Variants in MAGI2 observed in about 807,000 individuals in gnomAD.
MAGI2 encodes membrane-associated guanylate kinase, WW and PDZ domain-containing protein 2.
A neutral mutation model predicts 133.3 loss-of-function variants in MAGI2; 35 were observed. That is an observed-to-expected ratio of 0.26 (90% CI 0.20 to 0.35). The LOEUF (loss-of-function observed/expected upper bound fraction) is 0.35, where lower values mean the gene tolerates loss of function less well. Ranked by LOEUF, MAGI2 falls within the 10% of genes least tolerant of loss-of-function variation. The pLI, the probability that MAGI2 is intolerant of heterozygous loss-of-function variation, is 1.00. For synonymous variants in MAGI2, 729 were observed against 710.6 expected (o/e 1.03, Z -0.41); for missense variants, 1,636 against 1,863.4 (o/e 0.88, Z 2.25).
intron 9 of MAGI2, among the ~76,000 whole-genome samples, chr7:78,288,108 C>T (rs1458448992): frequency 2.0e-5 from 3 of 152,146 alleles, no homozygotes; most frequent in Non-Finnish European, 4.4e-5. Context: ...ATTTCAAACG[C>T]ATGAGATCAC....
At chr7:78,551,366 C>T (rs1044397120) in intron 3 of MAGI2, among the ~76,000 whole-genome samples, 2 of 152,204 alleles carry the variant, frequency 1.3e-5, no homozygotes, top group Non-Finnish European at 2.9e-5. Context: ...GATTTTTGCA[C>T]TCACATTATA....
chr7:79,272,960 C>G lies in MAGI2; in HGVS notation c.301+180060G>C, dbSNP rs559062855. 1.6e-4 allele frequency among the ~76,000 whole-genome samples: 24 copies of G among 152,216 alleles called. 1 individual carries two copies. The South Asian group carries it at 4.6e-3, about 29-fold the overall frequency. ...GATACTCAGTAGCACTAACTCTAGC[C>G]TAGCTCTATTCCTACAGTAATTTTG... On this transcript the variant is annotated intron_variant, in intron 1 of 21. Coordinates refer to ENST00000354212, the MANE Select transcript of MAGI2 (RefSeq NM_012301.4).
chr7:78,256,287 G>T lies in MAGI2; in HGVS notation c.1703C>A (p.Ser568Tyr). 1 of 1,614,110 alleles carries T rather than the reference G, an allele frequency of 6.2e-7. No homozygotes were observed. The highest frequency in any genetic ancestry group is 2.2e-5 in the East Asian group (1 of 44,850). Residue 568 changes from serine to tyrosine, a missense_variant, in exon 10 of 22, where the codon TCT becomes TAT. By Grantham distance (144) the Ser-to-Tyr change is moderately radical. This residue lies in a region of MAGI2 where 920 missense variants were observed against 1,093.5 expected (regional missense o/e 0.84). Coordinates refer to ENST00000354212, the MANE Select transcript of MAGI2 (RefSeq NM_012301.4). ...ACCATCAGTTGGCATGGAGTGCAGAGAATGAGGCGGCCGATCTGTTATATC... is the reference window on the plus strand; with the variant it reads ...ACCATCAGTTGGCATGGAGTGCAGATAATGAGGCGGCCGATCTGTTATATC... ...VPDITDRPPH[S>Y]LHSMPTDGQL...
At chr7:79,404,866 C>T (rs902739237) in intron 1 of MAGI2, among the ~76,000 whole-genome samples, 7 of 152,066 alleles carry the variant, frequency 4.6e-5, no homozygotes, top group Admixed American at 2.0e-4. Flanking sequence ...CTAAGGGGAA[C>T]GTTCTTACCC....
chr7:78,300,071 A>T (rs1255273063), intron 9 of MAGI2, among the ~76,000 whole-genome samples: 1 of 152,200 alleles, frequency 6.6e-6, no homozygotes, highest in African/African-American at 2.4e-5. Context: ...TTTGCCACTG[A>T]CAACAGTAGT....
chr7:78,507,505 T>C (rs144754016), intron 4 of MAGI2, among the ~76,000 whole-genome samples: 2 of 151,932 alleles, frequency 1.3e-5, no homozygotes, highest in Non-Finnish European at 2.9e-5. Flanking sequence ...CTGGGCAGAG[T>C]GAGTAAAAGA....
chr7:78,698,391 T>G (rs1817727661), intron 2 of MAGI2, among the ~76,000 whole-genome samples: 1 of 152,168 alleles, frequency 6.6e-6, no homozygotes, highest in Non-Finnish European at 1.5e-5. Flanking sequence ...CACAGTTTAT[T>G]CCGCATCCCC....
intron 20 of MAGI2, among the ~76,000 whole-genome samples, chr7:78,085,607 A>G (rs927128516): frequency 2.0e-5 from 3 of 151,118 alleles, no homozygotes; most frequent in Non-Finnish European, 4.4e-5. Flanking sequence ...AAACCCAAAA[A>G]AGTCCCAGCA....
intron 2 of MAGI2, among the ~76,000 whole-genome samples, chr7:78,785,693 G>C (rs781006781): frequency 2.0e-5 from 3 of 152,088 alleles, no homozygotes; most frequent in Non-Finnish European, 4.4e-5. Context: ...CTGTCTTCTA[G>C]GTGTATCATC....
At chr7:79,439,631 T>A (rs911163374) in intron 1 of MAGI2, among the ~76,000 whole-genome samples, 1 of 152,204 alleles carries the variant, frequency 6.6e-6, no homozygotes, top group African/African-American at 2.4e-5. Flanking sequence ...ATCATTTTAA[T>A]GCCAGGACCC....
intron 6 of MAGI2, among the ~76,000 whole-genome samples, chr7:78,461,115 T>A (rs943036783): frequency 6.6e-6 from 1 of 152,172 alleles, no homozygotes; most frequent in Non-Finnish European, 1.5e-5. Context: ...TTTTCTCACA[T>A]CTTTCTGCCC....
At chr7:78,564,049 A>C (rs1800678276) in intron 3 of MAGI2, among the ~76,000 whole-genome samples, 2 of 152,180 alleles carry the variant, frequency 1.3e-5, no homozygotes, top group East Asian at 3.8e-4. Flanking sequence ...TAAAAGGGAA[A>C]CTGTAAATTT....
intron 6 of MAGI2, among the ~76,000 whole-genome samples, chr7:78,433,264 C>G (rs1316856776): frequency 6.6e-6 from 1 of 151,988 alleles, no homozygotes; most frequent in African/African-American, 2.4e-5. Flanking sequence ...ATACATTTAG[C>G]ATTGGACAGC....
intron 1 of MAGI2, among the ~76,000 whole-genome samples, chr7:79,140,171 A>G (rs1264827582): frequency 6.6e-6 from 1 of 152,194 alleles, no homozygotes; most frequent in Non-Finnish European, 1.5e-5. Flanking sequence ...AGCCCATCAC[A>G]TTTGCTAGCT....
intron 2 of MAGI2, among the ~76,000 whole-genome samples, chr7:78,878,808 C>T (rs1187371147): frequency 6.6e-6 from 1 of 152,146 alleles, no homozygotes. Flanking sequence ...CTTCATACAT[C>T]TGAAGCACCT....
chr7:79,174,036 A>G (rs1282237631), intron 1 of MAGI2, among the ~76,000 whole-genome samples: 4 of 152,050 alleles, frequency 2.6e-5, no homozygotes, highest in African/African-American at 9.7e-5. Context: ...AATAGAAAAT[A>G]TTAGAATTCA....
chr7:79,211,853 A>G (rs1393460320), intron 1 of MAGI2, among the ~76,000 whole-genome samples: 3 of 152,070 alleles, frequency 2.0e-5, no homozygotes, highest in Non-Finnish European at 4.4e-5. Flanking sequence ...ATGGTGTAAT[A>G]GAGTGATATG....
At chr7:79,252,656 C>T (rs555968231) in intron 1 of MAGI2, among the ~76,000 whole-genome samples, 1 of 152,186 alleles carries the variant, frequency 6.6e-6, no homozygotes, top group East Asian at 1.9e-4. Flanking sequence ...GTGTTGGATA[C>T]CCCATTTACC....
chr7:78,930,244 A>G (rs1163144400), intron 2 of MAGI2, among the ~76,000 whole-genome samples: 1 of 152,152 alleles, frequency 6.6e-6, no homozygotes, highest in East Asian at 1.9e-4. Context: ...TTGATTTTCT[A>G]GAAACTTAGC....
Sources: gnomAD v4.1 joint callset for allele counts (sites outside exome capture counted in the v4.1 genomes callset) on GRCh38, gnomAD v4.1.1 for gene constraint, gnomAD v4.1.1 regional missense constraint, MANE v1.5 for transcripts, NCBI Gene and HGNC (gene_info 2026-07-23, HGNC 2026-07-21) for gene names.